Variants in MYH14 observed in about 807,000 individuals in gnomAD.
MYH14 encodes the protein myosin-14.
In MYH14, 123 loss-of-function variants were observed where a neutral mutation model predicts 255.5. That is an observed-to-expected ratio of 0.48 (90% CI 0.42 to 0.56). The LOEUF (loss-of-function observed/expected upper bound fraction) is 0.56, where lower values mean the gene tolerates loss of function less well. MYH14 is among the 20% of genes least tolerant of loss of function. The pLI is 0.00. For missense variants in MYH14, 2,423 were observed against 2,802.3 expected (o/e 0.86, Z 3.06); for synonymous variants, 1,095 against 1,161.2 (o/e 0.94, Z 1.16).
chr19:50,249,239 C>CCT (rs756277856), intron 13 of MYH14, 100 bp downstream of exon 13: 101 of 1,332,666 alleles, frequency 7.6e-5, no homozygotes, highest in Non-Finnish European at 9.1e-5. Flanking sequence ...TCTCTGTCCC[C>CCT]CTCTCTCTCT....
intron 10 of MYH14, among the ~76,000 whole-genome samples, chr19:50,240,790 A>G (rs1190291331): frequency 6.6e-6 from 1 of 151,630 alleles, no homozygotes; most frequent in Non-Finnish European, 1.5e-5. Context: ...AATAAAATAA[A>G]ATAAAAAAAT....
chr19:50,243,252 A>G (rs2033959687), intron 10 of MYH14, among the ~76,000 whole-genome samples: 1 of 152,156 alleles, frequency 6.6e-6, no homozygotes. Flanking sequence ...CCTGGCCAAC[A>G]TGGCGAAACC....
intron 2 of MYH14, among the ~76,000 whole-genome samples, chr19:50,212,066 C>A (rs1368232175): frequency 6.6e-6 from 1 of 152,146 alleles, no homozygotes; most frequent in African/African-American, 2.4e-5. Context: ...CTTCCCACGT[C>A]TGTGCTAAGC....
intron 7 of MYH14, among the ~76,000 whole-genome samples, 191 bp from the exon 8 acceptor site, chr19:50,226,712 C>A (rs1252890189): frequency 6.6e-6 from 1 of 152,106 alleles, no homozygotes; most frequent in African/African-American, 2.4e-5. Flanking sequence ...GTCCAAGGGG[C>A]CCGGACCTTG....
chr19:50,286,031 T>C (rs2035877459), intron 33 of MYH14: 1 of 154,026 alleles, frequency 6.5e-6, no homozygotes, highest in African/African-American at 2.4e-5. Context: ...ATGAAGTCCT[T>C]GTGTGCACGT....
At chr19:50,216,801 CTTTTTTT>C (rs200626930) in intron 2 of MYH14, among the ~76,000 whole-genome samples, 2,204 of 112,716 alleles carry the variant, frequency 0.02, 24 homozygotes, top group Middle Eastern at 0.031. Flanking sequence ...TCCATCCTTT[CTTTTTTT>C]TTTTTTTTTT....
chr19:50,275,186 G>A (rs73058348), intron 27 of MYH14, among the ~76,000 whole-genome samples: 54,547 of 151,994 alleles, frequency 0.36, 10,313 homozygotes, highest in South Asian at 0.43. Flanking sequence ...AGGGGGCCAG[G>A]AGAGGATACT....
At chr19:50,270,134 G>A (rs1178087045) in intron 24 of MYH14, among the ~76,000 whole-genome samples, 1 of 152,130 alleles carries the variant, frequency 6.6e-6, no homozygotes, top group Non-Finnish European at 1.5e-5. Flanking sequence ...GAGGTGGGAG[G>A]ATCACCTGAG....
intron 17 of MYH14, 61 bp downstream of exon 17, chr19:50,255,379 GC>G: frequency 7.7e-7 from 1 of 1,302,874 alleles, no homozygotes; most frequent in Non-Finnish European, 1.1e-6. Context: ...GACCTGTTGG[GC>G]TGGGGACCTG....
chr19:50,230,658 G>C lies in MYH14; in HGVS notation c.973+35G>C. On this transcript the variant is annotated intron_variant, in intron 9 of 42. Coordinates refer to ENST00000642316, the MANE Select transcript of MYH14 (RefSeq NM_001145809.2). The surrounding 1 kb of genome is among the most constrained non-coding windows in gnomAD (Gnocchi z 4.7). ...GCCCCGTCCTACCCTGCTCACCCGGGAGAGGGTGGGCACCATGTCTCTCGG... is the reference window on the plus strand; with the variant it reads ...GCCCCGTCCTACCCTGCTCACCCGGCAGAGGGTGGGCACCATGTCTCTCGG... 6.5e-7 allele frequency: 1 copy of C among 1,526,780 alleles called. No individual in the cohort carries two copies. 94.6% of individuals were successfully genotyped at this position (1,526,780 alleles called of 1,614,324 possible). A position where few individuals can be genotyped will look rare whatever the true frequency, so the allele number is the denominator to read the frequency against.
intron 12 of MYH14, 141 bp downstream of exon 12, chr19:50,247,263 C>G (rs2034167786): frequency 1.6e-6 from 1 of 627,138 alleles, no homozygotes; most frequent in African/African-American, 1.8e-5. Context: ...GGTCTAGGTG[C>G]CAGGCGTAAA....
intron 24 of MYH14, among the ~76,000 whole-genome samples, chr19:50,269,537 C>T (rs1031290810): frequency 1.3e-5 from 2 of 152,070 alleles, no homozygotes. Flanking sequence ...GGACCCTACC[C>T]TAGGTTTATG....
rs752522504 is a variant in MYH14 at position 50,281,639 on chromosome 19, G to A, written c.4336G>A (p.Glu1446Lys). The A allele has an allele frequency of 1.2e-6, 2 of 1,605,328 alleles. No individual in the cohort carries two copies. Among genetic ancestry groups the A allele is most frequent in the South Asian group, 2.2e-5 (2 of 90,638 alleles). ...CCAGGAGGAGGAGGCAGGGGCACTG[G>A]AGGCAGGGGAGGAGGCACGGCGCCG... is the stretch of plus-strand genomic sequence containing the variant. ...RRQEEEAGAL[E>K]AGEEARRRAA... The change falls in exon 33 of 43, where the codon GAG becomes AAG. Residue 1446 changes from glutamate (E) to lysine (K), a missense_variant. Physicochemically the swap from Glu to Lys is moderately conservative, Grantham distance 56. Around this residue, in one of 3 missense-constraint regions of MYH14, gnomAD observed 1,513 missense variants for 1,674.8 expected, o/e 0.90. Transcript: ENST00000642316.
At chr19:50,236,574 G>A (rs1334656009) in intron 10 of MYH14, among the ~76,000 whole-genome samples, 1 of 151,886 alleles carries the variant, frequency 6.6e-6, no homozygotes, top group African/African-American at 2.4e-5. Context: ...TGGGCGTGGT[G>A]GCACATGCCT....
rs1250524626 is a variant in MYH14, at chr19:50,281,579, C to G, written c.4291-15C>G. The G allele has an allele frequency of 1.9e-6, 3 of 1,561,812 alleles. No homozygotes were observed. The South Asian group carries it at 3.6e-5, about 19-fold the overall frequency. ...TGGCCGTGACCACCAACCACCCTCT[C>G]TCTCCTCCCCTCAGCTTTCCGAGTG... On this transcript the variant is annotated splice_polypyrimidine_tract_variant and intron_variant, in intron 32 of 42. Coordinates refer to ENST00000642316, the MANE Select transcript of MYH14 (RefSeq NM_001145809.2).
At chr19:50,284,261 G>C (rs2035818220) in intron 33 of MYH14, among the ~76,000 whole-genome samples, 1 of 152,136 alleles carries the variant, frequency 6.6e-6, no homozygotes, top group South Asian at 2.1e-4. Context: ...TTATCAATTT[G>C]TTGTTTTATA....
intron 1 of MYH14, among the ~76,000 whole-genome samples, chr19:50,209,783 CAA>C (rs1209985827): frequency 2.4e-4 from 16 of 65,604 alleles, no homozygotes; most frequent in Non-Finnish European, 2.2e-4. Flanking sequence ...GACTCCATCT[CAA>C]AAAAAAAAAA....
chr19:50,234,856 G>A (rs1220566256), intron 10 of MYH14, among the ~76,000 whole-genome samples: 2 of 152,140 alleles, frequency 1.3e-5, no homozygotes. Context: ...AACTGAATGT[G>A]GCTAAAGGTT....
intron 1 of MYH14, among the ~76,000 whole-genome samples, chr19:50,206,849 G>C (rs1008945864): frequency 6.6e-6 from 1 of 151,900 alleles, no homozygotes; most frequent in Admixed American, 6.6e-5. Context: ...CCTGCTGTTG[G>C]GGAGACAGAA....
Sources: gnomAD v4.1 joint callset for allele counts (sites outside exome capture counted in the v4.1 genomes callset) on GRCh38, gnomAD v4.1.1 for gene constraint, gnomAD v4.1.1 regional missense constraint, Gnocchi (gnomAD v3.1) non-coding constraint, MANE v1.5 for transcripts, NCBI Gene and HGNC (gene_info 2026-07-23, HGNC 2026-07-21) for gene names.